Variants in CPEB3 observed in about 807,000 individuals in gnomAD.
CPEB3 encodes the protein cytoplasmic polyadenylation element-binding protein 3.
Under a neutral mutation model 67.2 loss-of-function variants are expected in CPEB3, and 20 were observed. The observed-to-expected ratio is 0.30, with a 90% confidence interval of 0.21 to 0.43. The LOEUF is 0.43. Among genes scored for constraint, CPEB3 ranks in the 20% least tolerant of loss-of-function variants. The pLI is 1.00. For synonymous variants in CPEB3, 376 were observed against 393.1 expected (o/e 0.96, Z 0.51); for missense variants, 746 against 968.6 (o/e 0.77, Z 3.05).
At chr10:92,102,178 T>G (rs1421938268) in intron 7 of CPEB3, among the ~76,000 whole-genome samples, 1 of 152,162 alleles carries the variant, frequency 6.6e-6, no homozygotes, top group African/African-American at 2.4e-5. Context: ...CCCTGCATCT[T>G]CTGGGGGTAG....
At chr10:92,111,620 G>C (rs560412227) in intron 6 of CPEB3, among the ~76,000 whole-genome samples, 2 of 152,320 alleles carry the variant, frequency 1.3e-5, no homozygotes, top group East Asian at 3.9e-4. Context: ...AATATGTCCA[G>C]AACCAGCAAA....
chr10:92,278,835 G>A (rs188168999), intron 1 of CPEB3, among the ~76,000 whole-genome samples: 221 of 151,944 alleles, frequency 1.5e-3, no homozygotes, highest in Non-Finnish European at 2.4e-3. Flanking sequence ...TCCTGACCTC[G>A]TGATCTGCCT....
chr10:92,203,344 ATATATATATATG>A lies in CPEB3; in HGVS notation c.1006-10720_1006-10709del, dbSNP rs1038842943. 1.7e-4 allele frequency among the ~76,000 whole-genome samples: 25 copies of A among 147,362 alleles called. No individual in the cohort carries two copies. The East Asian group carries it at 1.8e-3, about 10-fold the overall frequency. The stretch of plus-strand genomic sequence containing the variant: ...GTACAAGACATAAGAGATGATATAT[ATATATATATATG>A]TATATATATGTATATATGTATATAT... On this transcript the variant is annotated intron_variant, in intron 2 of 9. Coordinates refer to ENST00000265997, the MANE Select transcript of CPEB3 (RefSeq NM_014912.5).
At chr10:92,133,910 C>A (rs756795811) in intron 6 of CPEB3, among the ~76,000 whole-genome samples, 2 of 151,974 alleles carry the variant, frequency 1.3e-5, no homozygotes, top group Non-Finnish European at 2.9e-5. Flanking sequence ...CCAACAACAA[C>A]AAAAAAACCA....
intron 1 of CPEB3, among the ~76,000 whole-genome samples, chr10:92,242,358 T>A (rs1208228272): frequency 6.6e-6 from 1 of 152,174 alleles, no homozygotes; most frequent in African/African-American, 2.4e-5. Context: ...GTTCCCTTGG[T>A]CTAAAACAAT....
intron 6 of CPEB3, among the ~76,000 whole-genome samples, chr10:92,138,762 G>C (rs1014262762): frequency 6.6e-6 from 1 of 152,176 alleles, no homozygotes; most frequent in Admixed American, 6.6e-5. Flanking sequence ...ATATAAATTA[G>C]TATAGCCACT....
intron 8 of CPEB3, among the ~76,000 whole-genome samples, chr10:92,088,350 C>A (rs1278968028): frequency 6.6e-6 from 1 of 151,824 alleles, no homozygotes; most frequent in Non-Finnish European, 1.5e-5. Flanking sequence ...CCTCAGCCCC[C>A]CAAGTAGCTG....
chr10:92,235,532 G>A (rs189496373), intron 2 of CPEB3, among the ~76,000 whole-genome samples: 58 of 152,184 alleles, frequency 3.8e-4, no homozygotes, highest in African/African-American at 1.3e-3. Context: ...ATAACCCTAC[G>A]TTTATGGGAT....
At chr10:92,211,963 T>A (rs941413217) in intron 2 of CPEB3, among the ~76,000 whole-genome samples, 3 of 151,146 alleles carry the variant, frequency 2.0e-5, no homozygotes, top group African/African-American at 7.3e-5. Flanking sequence ...ACCTCCAGGG[T>A]TCAAGCAATT....
intron 5 of CPEB3, among the ~76,000 whole-genome samples, chr10:92,143,717 A>T (rs2133835420): frequency 1.3e-5 from 2 of 152,330 alleles, no homozygotes; most frequent in East Asian, 3.9e-4. Context: ...GACTCAAAGC[A>T]GAGGTTATAA....
intron 1 of CPEB3, among the ~76,000 whole-genome samples, chr10:92,284,436 G>C (rs1842442388): frequency 6.6e-6 from 1 of 152,100 alleles, no homozygotes; most frequent in African/African-American, 2.4e-5. Flanking sequence ...AAAGCTCTTT[G>C]TTTCACAGCC....
chr10:92,266,687 G>A (rs577146398), intron 1 of CPEB3, among the ~76,000 whole-genome samples: 3 of 152,202 alleles, frequency 2.0e-5, no homozygotes, highest in South Asian at 2.1e-4. Context: ...GTATAAAAGC[G>A]CTAGAAAGAA....
intron 2 of CPEB3, chr10:92,216,218 A>T: frequency 1.1e-6 from 1 of 934,860 alleles, no homozygotes; most frequent in Non-Finnish European, 1.6e-6. Context: ...AGCACGGATC[A>T]CAAGGTCAAG....
Position 92,223,957 on chromosome 10 carries a change from T to C in CPEB3, c.1005+15389A>G, listed in dbSNP as rs149936608. On this transcript the variant is annotated intron_variant, in intron 2 of 9. Coordinates refer to ENST00000265997, the MANE Select transcript of CPEB3 (RefSeq NM_014912.5). ...AGAGACGGGGTTTCACCATGTTGGC[T>C]AGGTTGGTCTCTTTGGCCAGGTTGG... Among the ~76,000 whole-genome samples the C allele has an allele frequency of 3.9e-3, 593 of 152,156 alleles. 5 individuals are homozygous for C. The highest frequency in any genetic ancestry group is 0.013 in the African/African-American group (560 of 41,528).
rs1841899144 is a variant in CPEB3, at chr10:92,051,696, AGT to A, written c.*514_*515del. On this transcript the variant is annotated 3_prime_UTR_variant, in exon 10 of 10. Transcript: ENST00000265997. ...TTCATGAAGGGTTATCCTTACTCTA[AGT>A]GACCCGAGCTAATGATTGCTGAATT... 6.5e-6 allele frequency: 1 copy of A among 152,850 alleles called. No homozygotes were observed. The highest frequency in any genetic ancestry group is 2.4e-5 in the African/African-American group (1 of 41,458). 9.5% of individuals were successfully genotyped at this position (152,850 alleles called of 1,614,324 possible).
At chr10:92,094,808 GACACACAC>G (rs10654734) in intron 7 of CPEB3, among the ~76,000 whole-genome samples, 49 of 145,842 alleles carry the variant, frequency 3.4e-4, no homozygotes, top group Middle Eastern at 7.1e-3. Flanking sequence ...AGATTCTAAT[GACACACAC>G]ACACACACAC....
rs528650341 is a variant in CPEB3 at position 92,231,019 on chromosome 10, G to C, written c.1005+8327C>G. ...CAAAATCAACCCAACCCTTATAGCA[G>C]TCAGAAAATTAAGAGTTTAAGCATT... On this transcript the variant is annotated intron_variant, in intron 2 of 9. Coordinates refer to ENST00000265997, the MANE Select transcript of CPEB3 (RefSeq NM_014912.5). 1.6e-3 allele frequency among the ~76,000 whole-genome samples: 242 copies of C among 152,240 alleles called. 1 individual carries two copies. Among genetic ancestry groups the C allele is most frequent in the Non-Finnish European group, 2.4e-3 (162 of 68,020 alleles).
Position 92,179,036 on chromosome 10 carries a change from T to C in CPEB3, c.1222+1927A>G, listed in dbSNP as rs187344532. On this transcript the variant is annotated intron_variant, in intron 4 of 9. Coordinates refer to ENST00000265997, the MANE Select transcript of CPEB3 (RefSeq NM_014912.5). ...ATTCAAAGATTGATGCACTCTGATA[T>C]CTGTTGCAACTATGTGTAACTCATC... 1.4e-3 allele frequency among the ~76,000 whole-genome samples: 218 copies of C among 152,248 alleles called. 1 individual carries two copies. Among genetic ancestry groups the C allele is most frequent in the Non-Finnish European group, 6.0e-4 (41 of 68,012 alleles).
At chr10:92,117,652 T>C (rs1469621791) in intron 6 of CPEB3, among the ~76,000 whole-genome samples, 1 of 152,076 alleles carries the variant, frequency 6.6e-6, no homozygotes, top group Non-Finnish European at 1.5e-5. Flanking sequence ...TTTTAATACC[T>C]GAGAACACAT....
Sources: allele counts gnomAD v4.1 joint callset (sites outside exome capture counted in the v4.1 genomes callset), GRCh38; gene constraint gnomAD v4.1.1; transcripts MANE v1.5; gene names NCBI Gene and HGNC (gene_info 2026-07-23, HGNC 2026-07-21).